The following ICE2 variants were observed in gnomAD, a reference collection of about 807,000 sequenced individuals.
ICE2 encodes the protein little elongation complex subunit 2.
A neutral mutation model predicts 105.4 loss-of-function variants in ICE2; 87 were observed. That is an observed-to-expected ratio of 0.83 (90% CI 0.69 to 0.99). ICE2 has a LOEUF of 0.99. Among genes scored for constraint, ICE2 ranks in the 50% least tolerant of loss-of-function variants. ICE2 has a pLI of 0.00. For missense variants in ICE2, 1,323 were observed against 1,146.7 expected (o/e 1.15, Z -2.22); for synonymous variants, 399 against 392.0 (o/e 1.02, Z -0.21).
At chr15:60,476,293 T>G in intron 2 of ICE2, 126 bp from the exon 3 acceptor site, 2 of 621,330 alleles carry the variant, frequency 3.2e-6, no homozygotes, top group Non-Finnish European at 2.9e-6. Flanking sequence ...AGACAATCTC[T>G]TCTTACTATG....
At chr15:60,449,891 A>G in intron 9 of ICE2, 50 bp from the exon 10 acceptor site, 1 of 1,356,492 alleles carries the variant, frequency 7.4e-7, no homozygotes, top group South Asian at 1.3e-5. Context: ...AAGCCACCCT[A>G]CCTATCTCTT....
At chr15:60,444,055 C>A (rs185205358) in intron 11 of ICE2, among the ~76,000 whole-genome samples, 1 of 152,086 alleles carries the variant, frequency 6.6e-6, no homozygotes, top group East Asian at 1.9e-4. Flanking sequence ...AAGCTATGAT[C>A]GTGCTACTGC....
chr15:60,454,305 T>A (rs1595787251), intron 8 of ICE2, among the ~76,000 whole-genome samples: 1 of 152,222 alleles, frequency 6.6e-6, no homozygotes, highest in South Asian at 2.1e-4. Context: ...ACTACCCTAT[T>A]GCTTATATGT....
chr15:60,432,948 A>ACT (rs2063495819), intron 13 of ICE2, among the ~76,000 whole-genome samples: 1 of 152,214 alleles, frequency 6.6e-6, no homozygotes, highest in South Asian at 2.1e-4. Context: ...GGTCTTTAGT[A>ACT]AAGCTAATAT....
chr15:60,444,475 T>A (rs1025520728), intron 11 of ICE2, among the ~76,000 whole-genome samples: 1 of 152,080 alleles, frequency 6.6e-6, no homozygotes, highest in Non-Finnish European at 1.5e-5. Flanking sequence ...AAGTTTACTA[T>A]TTTTTTCCCT....
rs1555411213 is a variant in ICE2 at position 60,449,514 on chromosome 15, C to T, written c.1453G>A (p.Asp485Asn). The T allele has an allele frequency of 6.2e-7, 1 of 1,614,156 alleles. No homozygotes were observed. The highest frequency in any genetic ancestry group is 1.1e-5 in the South Asian group (1 of 91,086). ...DGGPEECKNK[D>N]DQGFESCEKV... ...TCACATGATTCAAATCCCTGATCAT[C>T]TTTATTTTTGCATTCCTCAGGGCCA... The change falls in exon 10 of 16, where the codon GAT becomes AAT. Residue 485 changes from aspartate (D) to asparagine (N), a missense_variant. Coordinates refer to ENST00000261520, the MANE Select transcript of ICE2 (RefSeq NM_024611.6).
At chr15:60,478,896 T>C (rs1435543098) in intron 1 of ICE2, 107 bp downstream of exon 1, 6 of 453,460 alleles carry the variant, frequency 1.3e-5, no homozygotes, top group South Asian at 4.7e-5. Context: ...CAAAGGGTCC[T>C]GGCCCGGCCG....
At chr15:60,433,111 G>A (rs1193565041) in intron 13 of ICE2, among the ~76,000 whole-genome samples, 1 of 150,682 alleles carries the variant, frequency 6.6e-6, no homozygotes, top group Non-Finnish European at 1.5e-5. Flanking sequence ...TTGAGACAGA[G>A]TCTCGCTCTG....
intron 5 of ICE2, among the ~76,000 whole-genome samples, chr15:60,465,577 C>G (rs2064400085): frequency 6.6e-6 from 1 of 151,858 alleles, no homozygotes; most frequent in Non-Finnish European, 1.5e-5. Flanking sequence ...TAAAATTTAC[C>G]ACCTTATCCC....
intron 9 of ICE2, chr15:60,451,634 A>G: frequency 3.0e-6 from 3 of 984,652 alleles, no homozygotes; most frequent in Non-Finnish European, 3.6e-6. Context: ...ACAATCCAGA[A>G]AAAGCATTTT....
chr15:60,471,011 T>A (rs149860653), intron 3 of ICE2, among the ~76,000 whole-genome samples: 18 of 152,188 alleles, frequency 1.2e-4, no homozygotes, highest in African/African-American at 4.1e-4. Flanking sequence ...TACTACTGAT[T>A]AGTTTTAAAT....
At chr15:60,438,458 C>T (rs2063645477) in intron 12 of ICE2, 1 of 152,116 alleles carries the variant, frequency 6.6e-6, no homozygotes, top group African/African-American at 2.4e-5. Flanking sequence ...CATTTGTACC[C>T]ATACCTACTT....
intron 3 of ICE2, among the ~76,000 whole-genome samples, chr15:60,472,139 G>A (rs986379216): frequency 5.3e-5 from 8 of 151,356 alleles, no homozygotes; most frequent in African/African-American, 1.9e-4. Context: ...TTTTCTTGGG[G>A]GACTTTCCAA....
Position 60,441,864 on chromosome 15 carries a change from A to AT in ICE2, c.2425+551dup, listed in dbSNP as rs1245246128. 7 of 152,384 alleles carry AT rather than the reference A, an allele frequency of 4.6e-5. No homozygotes were observed. The East Asian group carries it at 1.3e-3, about 29-fold the overall frequency. 9.4% of individuals were successfully genotyped at this position (152,384 alleles called of 1,614,324 possible). On this transcript the variant is annotated intron_variant, in intron 12 of 15. Transcript: ENST00000261520. ...AAGGAAAAAGTCATTTCATCAAAAT[A>AT]TTTGAGGTTTTAAAAGTAGTGTCAT...
chr15:60,443,513 G>A lies in ICE2; in HGVS notation c.2296-968C>T, dbSNP rs28716507. Among the ~76,000 whole-genome samples the A allele has an allele frequency of 4.1e-3, 624 of 152,298 alleles. 2 individuals carry two copies. Among genetic ancestry groups the A allele is most frequent in the African/African-American group, 0.013 (534 of 41,568 alleles). On this transcript the variant is annotated intron_variant, in intron 11 of 15. Coordinates refer to ENST00000261520, the MANE Select transcript of ICE2 (RefSeq NM_024611.6). ...ATTTTTCTTATCAACAGTAAGTGCT[G>A]TTTCATGTGATTTGCCCTTGAACTA...
At chr15:60,455,304 C>G (rs1485427082) in intron 7 of ICE2, 22 bp downstream of exon 7, 11 of 1,568,570 alleles carry the variant, frequency 7.0e-6, no homozygotes, top group Non-Finnish European at 9.6e-6. Flanking sequence ...TTAGGAAGAT[C>G]CAATGTTGCC....
chr15:60,452,194 G>A, intron 9 of ICE2: 1 of 953,684 alleles, frequency 1.0e-6, no homozygotes, highest in East Asian at 1.2e-4. Context: ...AATGCTTTAT[G>A]ACATATGTAT....
rs1017718277 is a variant in ICE2, at chr15:60,428,676, C to A, written c.2573G>T (p.Gly858Val). The A allele has an allele frequency of 8.7e-6, 14 of 1,613,358 alleles. No individual in the cohort carries two copies. Among genetic ancestry groups the A allele is most frequent in the Non-Finnish European group, 1.0e-5 (12 of 1,179,414 alleles). ...TGCTGCATGAGATAACAAGTAGGAA[C>A]CCTCCTGCAAGCTAAATTCACACAA... ...ILKKLSSLQE[G>V]SYLLSHAAED... The change falls in exon 15 of 16, where the codon GGT (glycine) becomes GTT (valine). Residue 858 changes from glycine to valine, a missense_variant. Physicochemically the swap from Gly to Val is moderately radical, Grantham distance 109. Coordinates refer to ENST00000261520, the MANE Select transcript of ICE2 (RefSeq NM_024611.6).
At chr15:60,434,559 ACACACAC>A (rs2063540104) in intron 13 of ICE2, among the ~76,000 whole-genome samples, 1 of 134,440 alleles carries the variant, frequency 7.4e-6, no homozygotes, top group Non-Finnish European at 1.7e-5. Flanking sequence ...ACACACACAC[ACACACAC>A]AATGGAATAT....
Sources: gnomAD v4.1 joint callset for allele counts (sites outside exome capture counted in the v4.1 genomes callset) on GRCh38, gnomAD v4.1.1 for gene constraint, MANE v1.5 for transcripts, NCBI Gene and HGNC (gene_info 2026-07-23, HGNC 2026-07-21) for gene names.